SEL1L: variants seen among roughly 807,000 people sequenced by gnomAD.
The protein encoded by SEL1L is SEL1L adaptor subunit of SYVN1 ubiquitin ligase.
Under a neutral mutation model 109.8 loss-of-function variants are expected in SEL1L, and 52 were observed. The observed-to-expected ratio is 0.47, with a 90% confidence interval of 0.38 to 0.60. The LOEUF (loss-of-function observed/expected upper bound fraction) is 0.60. Ranked by LOEUF, SEL1L falls within the 20% of genes least tolerant of loss-of-function variation. The pLI is 0.00. For synonymous variants in SEL1L, 373 were observed against 339.6 expected (o/e 1.10, Z -1.08); for missense variants, 749 against 962.2 (o/e 0.78, Z 2.93).
intron 20 of SEL1L, chr14:81,479,352 A>C: frequency 3.9e-6 from 1 of 254,324 alleles, no homozygotes; most frequent in Non-Finnish European, 7.4e-6. Context: ...TTTTCCCTAA[A>C]CCAGAAAACA....
chr14:81,493,447 T>C (rs1883624280), intron 11 of SEL1L, among the ~76,000 whole-genome samples: 1 of 151,892 alleles, frequency 6.6e-6, no homozygotes, highest in African/African-American at 2.4e-5. Context: ...GAGGTGGAGG[T>C]TGCAGTGAGC....
chr14:81,484,144 A>G lies in SEL1L; in HGVS notation c.2046+81T>C, dbSNP rs571564979. 2.1e-5 allele frequency: 30 copies of G among 1,420,272 alleles called. 1 individual carries two copies. In the South Asian group the frequency reaches 4.0e-4, roughly 19 times the overall value. 88.0% of individuals were successfully genotyped at this position (1,420,272 alleles called of 1,614,324 possible). A position where few individuals can be genotyped will look rare whatever the true frequency, so the allele number is the denominator to read the frequency against. The stretch of plus-strand genomic sequence containing the variant: ...CCTGAAATCCAACTGAATGTCAAGG[A>G]AAGTCTATTTTCTATACAAATGCAA... On this transcript the variant is annotated intron_variant, in intron 19 of 20. Coordinates refer to ENST00000336735, the MANE Select transcript of SEL1L (RefSeq NM_005065.6).
chr14:81,478,963 T>C (rs1358609347), intron 20 of SEL1L, among the ~76,000 whole-genome samples: 1 of 152,124 alleles, frequency 6.6e-6, no homozygotes, highest in African/African-American at 2.4e-5. Context: ...GCTTTCAGAG[T>C]GAAATGCTCT....
chr14:81,488,273 A>C (rs1294957970), intron 14 of SEL1L, among the ~76,000 whole-genome samples: 1 of 152,152 alleles, frequency 6.6e-6, no homozygotes, highest in East Asian at 1.9e-4. Flanking sequence ...TTAAACCTCA[A>C]TTTTCCTAAA....
Position 81,474,124 on chromosome 14 carries a change from T to C in SEL1L, c.*2848A>G, listed in dbSNP as rs1314367721. On this transcript the variant is annotated 3_prime_UTR_variant, in exon 21 of 21. Transcript: ENST00000336735. ...AATTTATAAATTCATCTGAGTTAAG[T>C]GCTAAACAATACATTTTGAAAAGAA... 1 of 151,872 alleles carries C rather than the reference T, an allele frequency of 6.6e-6. No homozygotes were observed. Among genetic ancestry groups the C allele is most frequent in the Non-Finnish European group, 1.5e-5 (1 of 67,962 alleles). 9.4% of individuals were successfully genotyped at this position (151,872 alleles called of 1,614,324 possible). A position where few individuals can be genotyped will look rare whatever the true frequency, so the allele number is the denominator to read the frequency against.
chr14:81,505,298 T>C (rs1006642108), intron 4 of SEL1L, among the ~76,000 whole-genome samples: 1 of 152,232 alleles, frequency 6.6e-6, no homozygotes, highest in African/African-American at 2.4e-5. Context: ...AGAACTGTTA[T>C]AGATTTTTCA....
At chr14:81,505,714 GTTAT>G (rs1038998405) in intron 4 of SEL1L, among the ~76,000 whole-genome samples, 3 of 152,110 alleles carry the variant, frequency 2.0e-5, no homozygotes, top group Admixed American at 1.3e-4. Flanking sequence ...TTTTTAAAAA[GTTAT>G]TTATTTTTCT....
In SEL1L at chr14:81,475,611, A is replaced by G. The variant is rs997240385; in HGVS notation, c.*1361T>C. On this transcript the variant is annotated 3_prime_UTR_variant, in exon 21 of 21. Coordinates refer to ENST00000336735, the MANE Select transcript of SEL1L (RefSeq NM_005065.6). ...ATACGAATGCAGTCTCAGACAAGAT[A>G]CAGGCTGGTGAACACCACCATCTGA... is the stretch of plus-strand genomic sequence containing the variant. 5 of 152,240 alleles carry G rather than the reference A, an allele frequency of 3.3e-5. No individual in the cohort carries two copies. The highest frequency in any genetic ancestry group is 1.2e-4 in the African/African-American group (5 of 41,472). 9.4% of individuals were successfully genotyped at this position (152,240 alleles called of 1,614,324 possible).
chr14:81,486,604 C>A, intron 16 of SEL1L, 150 bp from the exon 17 acceptor site: 2 of 632,300 alleles, frequency 3.2e-6, no homozygotes, highest in Non-Finnish European at 5.2e-6. Context: ...GTTTGAGATA[C>A]TTATTTAAAG....
At chr14:81,528,039 T>G (rs1278761814) in intron 1 of SEL1L, among the ~76,000 whole-genome samples, 2 of 152,150 alleles carry the variant, frequency 1.3e-5, no homozygotes, top group Admixed American at 6.5e-5. Flanking sequence ...TCACATTCCA[T>G]CCAATTCTTG....
At chr14:81,518,473 A>C (rs967794160) in intron 3 of SEL1L, among the ~76,000 whole-genome samples, 1 of 151,746 alleles carries the variant, frequency 6.6e-6, no homozygotes, top group Admixed American at 6.6e-5. Flanking sequence ...CAGCCTGGCC[A>C]ACCTGGTGAA....
chr14:81,516,920 C>T (rs1884723489), intron 3 of SEL1L, among the ~76,000 whole-genome samples: 1 of 152,140 alleles, frequency 6.6e-6, no homozygotes, highest in African/African-American at 2.4e-5. Flanking sequence ...TGCTTTGTCC[C>T]CTTTTGCTGT....
At chr14:81,513,359 C>A (rs1050792943) in intron 3 of SEL1L, among the ~76,000 whole-genome samples, 3 of 152,102 alleles carry the variant, frequency 2.0e-5, no homozygotes, top group Non-Finnish European at 4.4e-5. Context: ...TCTTTGGGTC[C>A]GCACTACCTT....
rs1399498290 is a variant in SEL1L, at chr14:81,485,680, G to C, written c.1865C>G (p.Ala622Gly). 6.2e-7 allele frequency: 1 copy of C among 1,613,562 alleles called. No homozygotes were observed. The highest frequency in any genetic ancestry group is 1.1e-5 in the South Asian group (1 of 91,076). The change falls in exon 18 of 21, where the codon GCC becomes GGC. Residue 622 changes from alanine (A) to glycine (G), a missense_variant. By Grantham distance (60) the Ala-to-Gly change is moderately conservative. Coordinates refer to ENST00000336735, the MANE Select transcript of SEL1L (RefSeq NM_005065.6). ...TAGAATTAATCACTTACCTTGAGAG[G>C]CGGCCCTGTTCCAATGTAGCAAAGC... The part of the protein sequence containing the change: ...PRALLHWNRA[A>G]SQGYTVARIK...
intron 11 of SEL1L, among the ~76,000 whole-genome samples, chr14:81,494,299 C>T (rs1243540356): frequency 6.6e-6 from 1 of 152,222 alleles, no homozygotes; most frequent in African/African-American, 2.4e-5. Flanking sequence ...CATCTTGAAT[C>T]CACTACTATC....
intron 3 of SEL1L, among the ~76,000 whole-genome samples, chr14:81,514,803 C>G (rs984784215): frequency 5.3e-5 from 8 of 152,144 alleles, no homozygotes; most frequent in Admixed American, 2.6e-4. Flanking sequence ...CCCATAAACC[C>G]TGAAAAAGAG....
At position 81,487,958 on chromosome 14, in the gene SEL1L, T is replaced by A. The variant is rs755201246; in HGVS notation, c.1396-16A>T. On this transcript the variant is annotated splice_polypyrimidine_tract_variant and intron_variant, in intron 14 of 20. Coordinates refer to ENST00000336735, the MANE Select transcript of SEL1L (RefSeq NM_005065.6). ...GATCATAATTCTGTAGAAAAAGATG[T>A]CATATGATGAGAAAGCTCAAAAGGC... 6.3e-7 allele frequency: 1 copy of A among 1,596,908 alleles called. No individual in the cohort carries two copies. The highest frequency in any genetic ancestry group is 1.1e-5 in the South Asian group (1 of 89,702).
intron 1 of SEL1L, among the ~76,000 whole-genome samples, chr14:81,529,064 C>T (rs1312716294): frequency 6.6e-6 from 1 of 152,150 alleles, no homozygotes; most frequent in Non-Finnish European, 1.5e-5. Flanking sequence ...TATTCACCTA[C>T]TTTTAGATTA....
intron 18 of SEL1L, among the ~76,000 whole-genome samples, chr14:81,485,426 C>T (rs541437488): frequency 1.3e-5 from 2 of 151,972 alleles, no homozygotes; most frequent in African/African-American, 4.8e-5. Context: ...CAGGAGCCTG[C>T]CACCATGCCC....
Sources: gnomAD v4.1 joint callset for allele counts (sites outside exome capture counted in the v4.1 genomes callset) on GRCh38, gnomAD v4.1.1 for gene constraint, MANE v1.5 for transcripts, NCBI Gene and HGNC (gene_info 2026-07-23, HGNC 2026-07-21) for gene names.